The following GUCY1A2 variants were observed in gnomAD, a reference collection of about 807,000 sequenced individuals.
GUCY1A2 encodes the protein guanylate cyclase soluble subunit alpha-2.
In GUCY1A2, 27 loss-of-function variants were observed where a neutral mutation model predicts 63.5. The ratio of observed to expected loss-of-function variants is 0.43; its 90% CI spans 0.31 to 0.59. The LOEUF (loss-of-function observed/expected upper bound fraction) is 0.59, where lower values mean the gene tolerates loss of function less well. GUCY1A2 is among the 20% of genes least tolerant of loss of function. GUCY1A2 has a pLI of 0.11. For missense variants in GUCY1A2, 768 were observed against 913.3 expected (o/e 0.84, Z 2.05); for synonymous variants, 364 against 343.5 (o/e 1.06, Z -0.66).
chr11:107,016,273 G>C (rs1201560008), intron 1 of GUCY1A2, among the ~76,000 whole-genome samples: 7 of 152,258 alleles, frequency 4.6e-5, no homozygotes, highest in Non-Finnish European at 8.8e-5. Flanking sequence ...AGGTGAAAGT[G>C]CTGTCAGGAG....
chr11:106,739,870 T>C (rs1370334182), intron 6 of GUCY1A2, among the ~76,000 whole-genome samples: 1 of 152,162 alleles, frequency 6.6e-6, no homozygotes, highest in Non-Finnish European at 1.5e-5. Context: ...ACAGGCGAGC[T>C]ACTTCTTTCC....
rs368222546 is a variant in GUCY1A2 at position 106,868,657 on chromosome 11, A to G, written c.1207-58179T>C. Among the ~76,000 whole-genome samples the G allele has an allele frequency of 1.5e-4, 23 of 152,308 alleles. No individual in the cohort carries two copies. The East Asian group carries it at 2.3e-3, about 15-fold the overall frequency. On this transcript the variant is annotated intron_variant, in intron 4 of 7. Transcript: ENST00000526355. ...CCATGCTCATGGATAGGAAGAATCA[A>G]TATCATGAAAATGGCCCTACTGCCC...
chr11:106,678,008 T>G lies in GUCY1A2; in HGVS notation c.*9541A>C, dbSNP rs138926210. 36 of 202,238 alleles carry G rather than the reference T, an allele frequency of 1.8e-4. No individual in the cohort carries two copies. The highest frequency in any genetic ancestry group is 7.8e-4 in the African/African-American group (34 of 43,716). 12.5% of individuals were successfully genotyped at this position (202,238 alleles called of 1,614,324 possible). On this transcript the variant is annotated 3_prime_UTR_variant, in exon 8 of 8. Transcript: ENST00000526355. ...GTCATTGAGTTATATAACAAATAAATGAATTTTATGAGTGCCTGGTGACAC... is the reference window on the plus strand; with the variant it reads ...GTCATTGAGTTATATAACAAATAAAGGAATTTTATGAGTGCCTGGTGACAC...
chr11:106,805,000 T>TA lies in GUCY1A2; in HGVS notation c.1692+4992dup, dbSNP rs570030671. Among the ~76,000 whole-genome samples, 463 of 152,288 alleles carry TA rather than the reference T, an allele frequency of 3.0e-3. 2 individuals are homozygous for TA. Among genetic ancestry groups the TA allele is most frequent in the Non-Finnish European group, 4.1e-3 (281 of 68,022 alleles). On this transcript the variant is annotated intron_variant, in intron 5 of 7. Coordinates refer to ENST00000526355, the MANE Select transcript of GUCY1A2 (RefSeq NM_000855.3). ...CTTTTCCAGCTAGGCTTATAATACT[T>TA]ACATTTCCTTGCCAATATGAACTTT...
At chr11:106,735,070 T>C (rs1591253979) in intron 6 of GUCY1A2, among the ~76,000 whole-genome samples, 1 of 152,100 alleles carries the variant, frequency 6.6e-6, no homozygotes, top group East Asian at 1.9e-4. Flanking sequence ...AGGCATACAA[T>C]GTGTAATAAT....
intron 4 of GUCY1A2, among the ~76,000 whole-genome samples, chr11:106,816,901 G>A (rs1233948320): frequency 6.6e-6 from 1 of 150,842 alleles, no homozygotes; most frequent in Admixed American, 6.6e-5. Flanking sequence ...CAACCAAGAT[G>A]AAACTGATAA....
chr11:106,713,992 C>T (rs891674140), intron 6 of GUCY1A2, among the ~76,000 whole-genome samples: 8 of 127,802 alleles, frequency 6.3e-5, no homozygotes, highest in African/African-American at 2.5e-4. Context: ...TACACTGACA[C>T]ATTTTACACT....
chr11:106,958,271 A>G (rs1024332842), intron 3 of GUCY1A2, among the ~76,000 whole-genome samples: 1 of 152,196 alleles, frequency 6.6e-6, no homozygotes, highest in Non-Finnish European at 1.5e-5. Flanking sequence ...AATCTCTCTC[A>G]AAACACAGCA....
intron 4 of GUCY1A2, among the ~76,000 whole-genome samples, chr11:106,873,019 G>A (rs1435521921): frequency 6.6e-6 from 1 of 152,114 alleles, no homozygotes; most frequent in African/African-American, 2.4e-5. Context: ...GAAATGCAGT[G>A]TTTGGTTTTC....
intron 3 of GUCY1A2, among the ~76,000 whole-genome samples, chr11:106,976,953 G>A (rs563715309): frequency 5.4e-5 from 8 of 148,172 alleles, no homozygotes; most frequent in Admixed American, 2.7e-4. Context: ...TTGACCCAGG[G>A]TTTCTCTCCG....
chr11:106,781,460 CCTAT>C (rs144934617), intron 5 of GUCY1A2, among the ~76,000 whole-genome samples: 1 of 152,114 alleles, frequency 6.6e-6, no homozygotes, highest in African/African-American at 2.4e-5. Context: ...GAAGAATTTG[CCTAT>C]CTCAGTTTAT....
At chr11:106,999,896 T>G (rs1194767633) in intron 1 of GUCY1A2, among the ~76,000 whole-genome samples, 1 of 152,224 alleles carries the variant, frequency 6.6e-6, no homozygotes, top group African/African-American at 2.4e-5. Flanking sequence ...GCTAGATTGA[T>G]GGTAGAAAAT....
chr11:106,782,215 A>G (rs1591274714), intron 5 of GUCY1A2, among the ~76,000 whole-genome samples: 1 of 152,264 alleles, frequency 6.6e-6, no homozygotes, highest in Non-Finnish European at 1.5e-5. Flanking sequence ...CAGAGTCTAC[A>G]TTACTGAACA....
intron 4 of GUCY1A2, among the ~76,000 whole-genome samples, chr11:106,903,960 A>G (rs1860169697): frequency 6.6e-6 from 1 of 152,178 alleles, no homozygotes; most frequent in African/African-American, 2.4e-5. Context: ...TCATTAAATC[A>G]CAACCTGTGG....
chr11:106,943,569 A>G (rs1016704288), intron 3 of GUCY1A2, among the ~76,000 whole-genome samples: 3 of 152,170 alleles, frequency 2.0e-5, no homozygotes, highest in African/African-American at 7.2e-5. Context: ...CCCACCTCAG[A>G]TGGCATTTCT....
intron 6 of GUCY1A2, among the ~76,000 whole-genome samples, chr11:106,774,315 T>G (rs1864316249): frequency 1.3e-5 from 2 of 152,086 alleles, no homozygotes; most frequent in Admixed American, 1.3e-4. Flanking sequence ...GTATTTTTAG[T>G]ACAGACAGGG....
chr11:106,826,640 C>T (rs1407033367), intron 4 of GUCY1A2: 2 of 1,607,092 alleles, frequency 1.2e-6, no homozygotes, highest in East Asian at 2.2e-5. Flanking sequence ...AGCAGTACAA[C>T]CTTATAGTTA....
At chr11:107,009,038 T>C (rs1027815970) in intron 1 of GUCY1A2, among the ~76,000 whole-genome samples, 3 of 152,216 alleles carry the variant, frequency 2.0e-5, no homozygotes, top group Non-Finnish European at 4.4e-5. Flanking sequence ...CACAGATAAC[T>C]TCCTTTCATG....
Position 106,939,551 on chromosome 11 carries a change from T to C in GUCY1A2, c.1115A>G (p.Asn372Ser), listed in dbSNP as rs145600847. Reference protein sequence around the residue: ...DCFEIVSPKVNATFERVLLRL... With the variant: ...DCFEIVSPKVSATFERVLLRL... ...CAGCAGGACCCTTTCAAAGGTGGCA[T>C]TAACCTTTGGAGATACAATCTCGAA... Residue 372 changes from asparagine (N) to serine (S), a missense_variant, in exon 4 of 8, where the codon AAT becomes AGT. Asn to Ser is a conservative substitution (Grantham distance 46). Around this residue, in one of 3 missense-constraint regions of GUCY1A2, gnomAD observed 496 missense variants for 486.9 expected, o/e 1.02. Coordinates refer to ENST00000526355, the MANE Select transcript of GUCY1A2 (RefSeq NM_000855.3). The C allele has an allele frequency of 3.2e-5, 51 of 1,613,334 alleles. No homozygotes were observed. In the African/African-American group the frequency reaches 6.3e-4, roughly 20 times the overall value.
Sources: gnomAD v4.1 joint callset for allele counts (sites outside exome capture counted in the v4.1 genomes callset) on GRCh38, gnomAD v4.1.1 for gene constraint, gnomAD v4.1.1 regional missense constraint, MANE v1.5 for transcripts, NCBI Gene and HGNC (gene_info 2026-07-23, HGNC 2026-07-21) for gene names.